The following ARHGAP5 variants were observed in gnomAD, a reference collection of about 807,000 sequenced individuals.
The protein encoded by ARHGAP5 is rho GTPase-activating protein 5.
Under a neutral mutation model 116.6 loss-of-function variants are expected in ARHGAP5, and 23 were observed. That is an observed-to-expected ratio of 0.20 (90% CI 0.14 to 0.28). The LOEUF (loss-of-function observed/expected upper bound fraction) is 0.28, where lower values mean the gene tolerates loss of function less well. ARHGAP5 is among the 10% of genes least tolerant of loss of function. ARHGAP5 has a pLI of 1.00. For missense variants in ARHGAP5, 1,405 were observed against 1,774.8 expected (o/e 0.79, Z 3.74); for synonymous variants, 574 against 602.0 (o/e 0.95, Z 0.68).
chr14:32,159,702 C>T lies in ARHGAP5; in HGVS notation c.*4754C>T, dbSNP rs937809565. 4 of 151,978 alleles carry T rather than the reference C, an allele frequency of 2.6e-5. No individual in the cohort carries two copies. Among genetic ancestry groups the T allele is most frequent in the African/African-American group, 9.7e-5 (4 of 41,376 alleles). 9.4% of individuals were successfully genotyped at this position (151,978 alleles called of 1,614,324 possible). A position where few individuals can be genotyped will look rare whatever the true frequency, so the allele number is the denominator to read the frequency against. ...CAGATTCTTGTTATTTTATTTTATC[C>T]AAATAAATATTTAGGTGTTCTAAGA... On this transcript the variant is annotated 3_prime_UTR_variant, in exon 7 of 7. Coordinates refer to ENST00000345122, the MANE Select transcript of ARHGAP5 (RefSeq NM_001030055.2).
In ARHGAP5 at chr14:32,097,044, A is replaced by G. The variant is rs143088626; in HGVS notation, c.3717+2658A>G. On this transcript the variant is annotated intron_variant, in intron 2 of 6. Transcript: ENST00000345122. ...TTGAATGGATGTAAGTCTGCTTACA[A>G]TCATTGTTTAGAGTGAGTATCTGTA... is the stretch of plus-strand genomic sequence containing the variant. Among the ~76,000 whole-genome samples the G allele has an allele frequency of 1.2e-3, 185 of 152,292 alleles. 2 individuals carry two copies. The East Asian group carries it at 0.033, about 28-fold the overall frequency.
At chr14:32,150,150 T>A in intron 5 of ARHGAP5, 117 bp downstream of exon 5, 1 of 791,462 alleles carries the variant, frequency 1.3e-6, no homozygotes, top group Non-Finnish European at 1.8e-6. Flanking sequence ...TTAACTTAAC[T>A]AGAACTCTAT....
chr14:32,128,030 C>T lies in ARHGAP5; in HGVS notation c.3865+10743C>T, dbSNP rs563492533. Among the ~76,000 whole-genome samples, 169 of 150,752 alleles carry T rather than the reference C, an allele frequency of 1.1e-3. 1 individual carries two copies. The highest frequency in any genetic ancestry group is 5.0e-3 in the Admixed American group (76 of 15,214). On this transcript the variant is annotated intron_variant, in intron 3 of 6. Coordinates refer to ENST00000345122, the MANE Select transcript of ARHGAP5 (RefSeq NM_001030055.2). ...ACGGGGTGGCGGCCGGGTAGAGACG[C>T]TCCTCACCTCCCAGACAGTGCGGCC...
chr14:32,143,335 C>G (rs1433562916), intron 3 of ARHGAP5, among the ~76,000 whole-genome samples: 1 of 150,632 alleles, frequency 6.6e-6, no homozygotes, highest in Non-Finnish European at 1.5e-5. Flanking sequence ...CTCCGCCTCC[C>G]AGGTTCAAGC....
chr14:32,082,099 A>G (rs953148272), intron 1 of ARHGAP5, among the ~76,000 whole-genome samples: 2 of 152,138 alleles, frequency 1.3e-5, no homozygotes, highest in African/African-American at 4.8e-5. Context: ...TCAGGTGGTA[A>G]TGCCCGCTTT....
chr14:32,152,020 C>A (rs1881657661), intron 5 of ARHGAP5, among the ~76,000 whole-genome samples: 1 of 152,166 alleles, frequency 6.6e-6, no homozygotes, highest in African/African-American at 2.4e-5. Context: ...GGCTGCACAG[C>A]AGAAGGTGAG....
chr14:32,152,754 AT>A (rs1292666738), intron 6 of ARHGAP5, among the ~76,000 whole-genome samples: 1 of 152,190 alleles, frequency 6.6e-6, no homozygotes, highest in East Asian at 1.9e-4. Context: ...TTTTTACCAC[AT>A]TCTCTGTAAA....
Position 32,093,727 on chromosome 14 carries a change from C to G in ARHGAP5, c.3058C>G (p.Pro1020Ala), listed in dbSNP as rs769807621. The G allele has an allele frequency of 1.2e-6, 2 of 1,614,056 alleles. No homozygotes were observed. The highest frequency in any genetic ancestry group is 4.5e-5 in the East Asian group (2 of 44,878). ...YRLDLEGNEYPIHSTPNCHDH... is the reference protein window; with the variant it reads ...YRLDLEGNEYAIHSTPNCHDH... ...ATTAGATTTGGAAGGAAATGAGTAT[C>G]CTATTCATAGTACCCCAAACTGTCA... The change falls in exon 2 of 7, where the codon CCT (proline) becomes GCT (alanine). Residue 1020 changes from proline to alanine, a missense_variant. Transcript: ENST00000345122.
chr14:32,093,607 G>A lies in ARHGAP5; in HGVS notation c.2938G>A (p.Asp980Asn). 2 of 1,613,836 alleles carry A rather than the reference G, an allele frequency of 1.2e-6. No homozygotes were observed. The highest frequency in any genetic ancestry group is 1.7e-4 in the Middle Eastern group (1 of 6,058). ...CTGTTTTCCCTATAATAACTACCCT[G>A]ATTCAGATGATGACACAGAAGCACC... The part of the protein sequence containing the change: ...RDCFPYNNYP[D>N]SDDDTEAPPP... The change falls in exon 2 of 7, where the codon GAT (aspartate) becomes AAT (asparagine). Residue 980 changes from aspartate (D) to asparagine (N), a missense_variant. Asp to Asn is a conservative substitution (Grantham distance 23). Coordinates refer to ENST00000345122, the MANE Select transcript of ARHGAP5 (RefSeq NM_001030055.2).
At position 32,143,490 on chromosome 14, in the gene ARHGAP5, C is replaced by T. The variant is rs562814249; in HGVS notation, c.3866-2773C>T. Among the ~76,000 whole-genome samples the T allele has an allele frequency of 8.2e-4, 125 of 152,256 alleles. 1 individual carries two copies. The highest frequency in any genetic ancestry group is 2.6e-3 in the African/African-American group (110 of 41,550). On this transcript the variant is annotated intron_variant, in intron 3 of 6. Transcript: ENST00000345122. The stretch of plus-strand genomic sequence containing the variant: ...CAATCTCCTGACCTCGTGATCCGCC[C>T]GCTTTGGCCTCCCAAAGTGCTGGGA...
chr14:32,139,876 T>C (rs1291733813), intron 3 of ARHGAP5, among the ~76,000 whole-genome samples: 1 of 150,962 alleles, frequency 6.6e-6, no homozygotes, highest in Non-Finnish European at 1.5e-5. Flanking sequence ...TTGTTCTTTT[T>C]GTTCATGTCA....
intron 4 of ARHGAP5, among the ~76,000 whole-genome samples, chr14:32,147,745 T>C (rs1386263994): frequency 6.6e-6 from 1 of 152,362 alleles, no homozygotes; most frequent in African/African-American, 2.4e-5. Context: ...AAAGATTTTA[T>C]GCCTGTTGAA....
chr14:32,151,333 C>G (rs995383033), intron 5 of ARHGAP5, among the ~76,000 whole-genome samples: 5 of 152,076 alleles, frequency 3.3e-5, no homozygotes, highest in Non-Finnish European at 7.4e-5. Flanking sequence ...TGGAAAGCAC[C>G]CTCTATCTCA....
Position 32,091,410 on chromosome 14 carries a change from T to A in ARHGAP5, c.741T>A (p.Asp247Glu). The A allele has an allele frequency of 6.2e-7, 1 of 1,610,532 alleles. No homozygotes were observed. Among genetic ancestry groups the A allele is most frequent in the Non-Finnish European group, 8.5e-7 (1 of 1,178,432 alleles). Residue 247 changes from aspartate to glutamate, a missense_variant, in exon 2 of 7, where the codon GAT (aspartate) becomes GAA (glutamate). Physicochemically the swap from Asp to Glu is conservative, Grantham distance 45. Around this residue, in one of 6 missense-constraint regions of ARHGAP5, gnomAD observed 190 missense variants for 314.9 expected, o/e 0.60. Transcript: ENST00000345122. Reference sequence around the variant, plus strand: ...TTACTGCACTGGTACAAATGTTGGATAAAACTCGTAGCAAGCCTAAAATTA... The same window carrying A: ...TTACTGCACTGGTACAAATGTTGGAAAAAACTCGTAGCAAGCCTAAAATTA... ...TCFTALVQML[D>E]KTRSKPKIIP...
intron 3 of ARHGAP5, among the ~76,000 whole-genome samples, chr14:32,126,545 G>A (rs574278222): frequency 3.9e-5 from 6 of 152,262 alleles, no homozygotes; most frequent in African/African-American, 1.4e-4. Context: ...AACTACATCT[G>A]CAATGATCTA....
intron 3 of ARHGAP5, among the ~76,000 whole-genome samples, chr14:32,118,617 A>C (rs753278492): frequency 1.7e-4 from 26 of 152,206 alleles, no homozygotes; most frequent in Non-Finnish European, 3.2e-4. Context: ...TATGCTCTTT[A>C]TCATTTATTT....
chr14:32,130,729 C>T (rs898957013), intron 3 of ARHGAP5, among the ~76,000 whole-genome samples: 11 of 151,148 alleles, frequency 7.3e-5, no homozygotes, highest in African/African-American at 2.7e-4. Flanking sequence ...GATGGGATTT[C>T]ACCATATTGG....
chr14:32,114,375 A>C (rs1381794841), intron 2 of ARHGAP5, among the ~76,000 whole-genome samples: 1 of 152,222 alleles, frequency 6.6e-6, no homozygotes, highest in Non-Finnish European at 1.5e-5. Context: ...TGTGTTCCTG[A>C]GAAAGAAAAG....
At chr14:32,131,817 G>C (rs146110672) in intron 3 of ARHGAP5, among the ~76,000 whole-genome samples, 2,139 of 152,136 alleles carry the variant, frequency 0.014, 41 homozygotes, top group African/African-American at 0.048. Flanking sequence ...TCCCACCTAT[G>C]AGTGAGAACA....
Sources: gnomAD v4.1 joint callset for allele counts (sites outside exome capture counted in the v4.1 genomes callset) on GRCh38, gnomAD v4.1.1 for gene constraint, gnomAD v4.1.1 regional missense constraint, MANE v1.5 for transcripts, NCBI Gene and HGNC (gene_info 2026-07-23, HGNC 2026-07-21) for gene names.